TRAK1: variants seen among roughly 807,000 people sequenced by gnomAD.
TRAK1 encodes trafficking kinesin-binding protein 1.
In TRAK1, 33 loss-of-function variants were observed where a neutral mutation model predicts 92.1. That is an observed-to-expected ratio of 0.36 (90% CI 0.27 to 0.48). The LOEUF (loss-of-function observed/expected upper bound fraction) is 0.48, where lower values mean the gene tolerates loss of function less well. Among genes scored for constraint, TRAK1 ranks in the 20% least tolerant of loss-of-function variants. TRAK1 has a pLI of 0.99. For synonymous variants in TRAK1, 521 were observed against 517.3 expected, an observed-to-expected ratio of 1.01 and a Z score of -0.10; for missense variants, 1,123 against 1,257.9, an observed-to-expected ratio of 0.89 and a Z score of 1.62.
chr3:42,199,109 T>C lies in TRAK1; in HGVS notation c.1114-68T>C, dbSNP rs1333951320. 1.9e-6 allele frequency: 3 copies of C among 1,576,936 alleles called. No homozygotes were observed. In the African/African-American group the frequency reaches 4.0e-5, roughly 21 times the overall value. On this transcript the variant is annotated intron_variant, in intron 10 of 15. Transcript: ENST00000327628. ...ACTCTCCATGGCCCACCTGGGTGCATACCTCTTTTAGAGACAGAGCATTTG... is the reference window on the plus strand; with the variant it reads ...ACTCTCCATGGCCCACCTGGGTGCACACCTCTTTTAGAGACAGAGCATTTG...
chr3:42,161,426 C>T (rs574804727), intron 2 of TRAK1, among the ~76,000 whole-genome samples: 8 of 151,750 alleles, frequency 5.3e-5, no homozygotes, highest in Middle Eastern at 3.4e-3. Context: ...GCCCAGGCTG[C>T]GGTGCAGCAG....
chr3:42,118,171 C>T (rs1168501321), intron 1 of TRAK1, among the ~76,000 whole-genome samples: 1 of 151,936 alleles, frequency 6.6e-6, no homozygotes. Flanking sequence ...GCAACCTCCA[C>T]CTCCCGGGTT....
chr3:42,092,772 T>TGTTATGTTATG (rs1559754457), intron 1 of TRAK1, among the ~76,000 whole-genome samples: 1 of 151,840 alleles, frequency 6.6e-6, no homozygotes, highest in Non-Finnish European at 1.5e-5. Flanking sequence ...TGTTATGTTA[T>TGTTATGTTATG]TTCGTGACTC....
intron 1 of TRAK1, among the ~76,000 whole-genome samples, chr3:42,056,122 G>A (rs1703196350): frequency 1.3e-5 from 2 of 152,068 alleles, no homozygotes; most frequent in Non-Finnish European, 2.9e-5. Flanking sequence ...TTTGGCTATT[G>A]TGAATAATGT....
intron 14 of TRAK1, chr3:42,212,122 G>A (rs1559395789): frequency 1.0e-6 from 1 of 985,302 alleles, no homozygotes; most frequent in Admixed American, 6.1e-5. Context: ...ATATCGCTAA[G>A]TAAATCATCC....
intron 1 of TRAK1, among the ~76,000 whole-genome samples, chr3:42,024,662 G>A (rs1239811430): frequency 6.6e-6 from 1 of 152,248 alleles, no homozygotes; most frequent in Non-Finnish European, 1.5e-5. Flanking sequence ...CTAATCATAT[G>A]ATTGCTATTG....
In TRAK1 at chr3:42,100,060, G is replaced by A. The variant is rs564427614; in HGVS notation, c.91+8500G>A. Reference sequence around the variant, plus strand: ...GGATTGAAGGAAAGGGGAGTTAATCGTAGGCAGAGACTGCCAGGGTTAGGA... The same window carrying A: ...GGATTGAAGGAAAGGGGAGTTAATCATAGGCAGAGACTGCCAGGGTTAGGA... On this transcript the variant is annotated intron_variant, in intron 1 of 15. Coordinates refer to ENST00000327628, the MANE Select transcript of TRAK1 (RefSeq NM_001042646.3). Among the ~76,000 whole-genome samples, 7 of 152,048 alleles carry A rather than the reference G, an allele frequency of 4.6e-5. No individual in the cohort carries two copies. The East Asian group carries it at 9.6e-4, about 21-fold the overall frequency.
chr3:42,054,145 A>G (rs1185662007), intron 1 of TRAK1, among the ~76,000 whole-genome samples: 1 of 152,246 alleles, frequency 6.6e-6, no homozygotes, highest in Non-Finnish European at 1.5e-5. Context: ...ATACTCAATG[A>G]AAAATGAATT....
chr3:42,193,029 T>A, intron 7 of TRAK1, 46 bp from the exon 8 acceptor site: 1 of 1,608,046 alleles, frequency 6.2e-7, no homozygotes, highest in Non-Finnish European at 8.5e-7. Flanking sequence ...GGTCTGCATG[T>A]GTGGTTTTCT....
chr3:42,176,848 G>C lies in TRAK1; in HGVS notation c.321G>C (p.Lys107Asn). 6.2e-7 allele frequency: 1 copy of C among 1,614,100 alleles called. No individual in the cohort carries two copies. ...LCAERVGQMT[K>N]TYNDIDAVTR... ...CTGAAAGAGTTGGCCAGATGACTAA[G>C]ACATATAATGACATAGATGCTGTCA... The change falls in exon 3 of 16, where the codon AAG becomes AAC. Residue 107 changes from lysine (K) to asparagine (N), a missense_variant. Coordinates refer to ENST00000327628, the MANE Select transcript of TRAK1 (RefSeq NM_001042646.3).
At chr3:42,017,626 A>C (rs77615916) in intron 1 of TRAK1, among the ~76,000 whole-genome samples, 7,226 of 152,312 alleles carry the variant, frequency 0.047, 589 homozygotes, top group African/African-American at 0.16. Context: ...GCATATGTGT[A>C]AAACTGGATG....
At chr3:42,206,084 A>G (rs1433647098) in intron 13 of TRAK1, among the ~76,000 whole-genome samples, 2 of 152,228 alleles carry the variant, frequency 1.3e-5, no homozygotes, top group Non-Finnish European at 2.9e-5. Context: ...ATGGAAAGAA[A>G]GAGGTAACTT....
rs1468758812 is a variant in TRAK1, at chr3:42,149,222, C to A, written c.286+23608C>A. ...CCTCTAGGCGTCTGGATAGGACGAT[C>A]CTGGCTACTCCCATTCAGGGCTGCT... is the stretch of plus-strand genomic sequence containing the variant. On this transcript the variant is annotated intron_variant, in intron 2 of 15. Coordinates refer to ENST00000327628, the MANE Select transcript of TRAK1 (RefSeq NM_001042646.3). 10 of 1,202,110 alleles carry A rather than the reference C, an allele frequency of 8.3e-6. No individual in the cohort carries two copies. In the African/African-American group the frequency reaches 1.3e-4, roughly 15 times the overall value. 74.5% of individuals were successfully genotyped at this position (1,202,110 alleles called of 1,614,324 possible).
At chr3:42,192,557 AAC>A (rs1302253504) in intron 7 of TRAK1, among the ~76,000 whole-genome samples, 1 of 152,142 alleles carries the variant, frequency 6.6e-6, no homozygotes, top group Non-Finnish European at 1.5e-5. Flanking sequence ...ATAATGATGA[AAC>A]ACACCTCATG....
At chr3:42,091,176 G>A (rs775557709), upstream of TRAK1, 13 of 368,932 alleles carry the variant, frequency 3.5e-5, no homozygotes, top group Middle Eastern at 6.9e-4. Flanking sequence ...ACAAAGCCCC[G>A]TTCTCCTTGC....
intron 1 of TRAK1, among the ~76,000 whole-genome samples, chr3:42,018,497 A>G (rs1233167384): frequency 1.3e-5 from 2 of 152,226 alleles, no homozygotes; most frequent in African/African-American, 4.8e-5. Flanking sequence ...AGGATGCTCC[A>G]TCACAGTATA....
chr3:42,126,853 A>T (rs902072640), intron 2 of TRAK1, among the ~76,000 whole-genome samples: 2 of 152,162 alleles, frequency 1.3e-5, no homozygotes, highest in Non-Finnish European at 2.9e-5. Context: ...AGTTCTCTTT[A>T]TTAGATATTA....
intron 2 of TRAK1, among the ~76,000 whole-genome samples, chr3:42,165,430 G>A (rs543069954): frequency 1.3e-5 from 2 of 152,316 alleles, no homozygotes; most frequent in South Asian, 4.1e-4. Context: ...TTCTCCATCT[G>A]GTTCCCAGGC....
intron 1 of TRAK1, among the ~76,000 whole-genome samples, chr3:42,046,040 G>T (rs139756132): frequency 2.8e-4 from 43 of 152,246 alleles, no homozygotes; most frequent in African/African-American, 8.7e-4. Flanking sequence ...GAGCAATTCA[G>T]TATATTACAT....
Sources: allele counts gnomAD v4.1 joint callset (sites outside exome capture counted in the v4.1 genomes callset), GRCh38; gene constraint gnomAD v4.1.1; transcripts MANE v1.5; gene names NCBI Gene and HGNC (gene_info 2026-07-23, HGNC 2026-07-21).